Variants in RPA2 observed in about 807,000 individuals in gnomAD.
RPA2 encodes the protein replication protein A 32 kDa subunit.
Under a neutral mutation model 33.4 loss-of-function variants are expected in RPA2, and 22 were observed. That is an observed-to-expected ratio of 0.66 (90% CI 0.47 to 0.94). The LOEUF (loss-of-function observed/expected upper bound fraction) is 0.94, where lower values mean the gene tolerates loss of function less well. RPA2 is among the 40% of genes least tolerant of loss of function. RPA2 has a pLI of 0.00. For synonymous variants in RPA2, 109 were observed against 114.9 expected, an observed-to-expected ratio of 0.95 and a Z score of 0.33; for missense variants, 279 against 329.9, an observed-to-expected ratio of 0.85 and a Z score of 1.19.
intron 4 of RPA2, among the ~76,000 whole-genome samples, chr1:27,898,614 C>G (rs1436317724): frequency 6.7e-6 from 1 of 149,914 alleles, no homozygotes; most frequent in Admixed American, 6.7e-5. Context: ...GGCATGATCT[C>G]GGCTCATTGC....
Position 27,914,565 on chromosome 1 carries a change from T to C in RPA2, c.-122A>G. The C allele has an allele frequency of 6.2e-7, 1 of 1,612,180 alleles. No individual in the cohort carries two copies. The highest frequency in any genetic ancestry group is 8.5e-7 in the Non-Finnish European group (1 of 1,179,392). Reference sequence around the variant, plus strand: ...ACTTTTCTCTGGCACCACAAACGCCTTCCCGCGAATGGCGGAGCCAGTCAG... The same window carrying C: ...ACTTTTCTCTGGCACCACAAACGCCCTCCCGCGAATGGCGGAGCCAGTCAG... On this transcript the variant is annotated 5_prime_UTR_variant, in exon 1 of 9. Transcript: ENST00000373912.
intron 4 of RPA2, among the ~76,000 whole-genome samples, chr1:27,899,332 C>T (rs2089934364): frequency 1.3e-5 from 2 of 151,950 alleles, no homozygotes; most frequent in African/African-American, 4.8e-5. Flanking sequence ...CAGGGAAACC[C>T]TGTCTCTACT....
chr1:27,910,912 A>C (rs2090088320), intron 2 of RPA2, among the ~76,000 whole-genome samples: 1 of 152,130 alleles, frequency 6.6e-6, no homozygotes, highest in Non-Finnish European at 1.5e-5. Flanking sequence ...TGTGGAAAAT[A>C]CTAGATTTAA....
At chr1:27,897,806 T>C in intron 4 of RPA2, 99 bp from the exon 5 acceptor site, 1 of 757,390 alleles carries the variant, frequency 1.3e-6, no homozygotes, top group Non-Finnish European at 2.0e-6. Flanking sequence ...AGTTACGAAG[T>C]AGAAGAGTTA....
chr1:27,914,526 G>C lies in RPA2; in HGVS notation c.-83C>G. On this transcript the variant is annotated 5_prime_UTR_variant, in exon 1 of 9. Coordinates refer to ENST00000373912, the MANE Select transcript of RPA2 (RefSeq NM_002946.5). ...AAAACCACAGAACGCGGCCGCCACT[G>C]CGCCGCTCTGGCTACTTTTCTCTGG... 1 of 1,605,562 alleles carries C rather than the reference G, an allele frequency of 6.2e-7. No homozygotes were observed. The highest frequency in any genetic ancestry group is 1.1e-5 in the South Asian group (1 of 90,106).
chr1:27,898,991 C>T (rs562487949), intron 4 of RPA2, among the ~76,000 whole-genome samples: 4 of 152,104 alleles, frequency 2.6e-5, no homozygotes, highest in African/African-American at 7.2e-5. Flanking sequence ...GAGGATCCTT[C>T]GAGCTCAGGA....
chr1:27,901,807 C>A (rs1046345819), intron 4 of RPA2, among the ~76,000 whole-genome samples: 2 of 152,000 alleles, frequency 1.3e-5, no homozygotes, highest in Non-Finnish European at 2.9e-5. Context: ...CCCATGCTGC[C>A]CAGGCTGGTC....
chr1:27,899,959 C>T (rs1290676999), intron 4 of RPA2, among the ~76,000 whole-genome samples: 1 of 152,140 alleles, frequency 6.6e-6, no homozygotes, highest in African/African-American at 2.4e-5. Context: ...GGATTACAGG[C>T]GTGAGCCACG....
intron 2 of RPA2, among the ~76,000 whole-genome samples, chr1:27,910,996 G>A (rs761755746): frequency 1.3e-5 from 2 of 151,988 alleles, no homozygotes; most frequent in African/African-American, 2.4e-5. Flanking sequence ...AGAGCAGATC[G>A]CCTGACGTCA....
intron 4 of RPA2, among the ~76,000 whole-genome samples, chr1:27,900,619 A>G (rs1256901248): frequency 1.3e-5 from 2 of 152,086 alleles, no homozygotes; most frequent in Non-Finnish European, 2.9e-5. Flanking sequence ...GCTTAAAGAT[A>G]TAACTGAATT....
At chr1:27,900,239 G>A (rs2089951610) in intron 4 of RPA2, among the ~76,000 whole-genome samples, 1 of 151,952 alleles carries the variant, frequency 6.6e-6, no homozygotes, top group East Asian at 1.9e-4. Context: ...AGCCTCCTGA[G>A]TAGCTGGGAT....
chr1:27,897,514 G>A, intron 5 of RPA2, 119 bp downstream of exon 5: 1 of 598,192 alleles, frequency 1.7e-6, no homozygotes, highest in Non-Finnish European at 2.8e-6. Flanking sequence ...AAGAGAGTAA[G>A]AAATAACTTC....
chr1:27,911,368 GA>G (rs952773941), intron 2 of RPA2, among the ~76,000 whole-genome samples: 3 of 150,970 alleles, frequency 2.0e-5, no homozygotes, highest in East Asian at 1.9e-4. Context: ...TCCACAAAAA[GA>G]AAAAAAAATT....
intron 2 of RPA2, among the ~76,000 whole-genome samples, chr1:27,908,322 G>A (rs2090056409): frequency 6.6e-6 from 1 of 151,778 alleles, no homozygotes; most frequent in African/African-American, 2.4e-5. Context: ...TAGAGATGGG[G>A]TTTTGCTATG....
Position 27,913,986 on chromosome 1 carries a change from G to A in RPA2, c.117+77C>T, listed in dbSNP as rs2090134651. 3.0e-6 allele frequency: 4 copies of A among 1,325,862 alleles called. No individual in the cohort carries two copies. The South Asian group carries it at 4.7e-5, about 16-fold the overall frequency. 82.1% of individuals were successfully genotyped at this position (1,325,862 alleles called of 1,614,324 possible). ...GTTCACGTTGAAATCTTCCTTCAAA[G>A]CATAAAGTTTCTGTCATAGATGACT... On this transcript the variant is annotated intron_variant, in intron 2 of 8. Transcript: ENST00000373912.
chr1:27,914,001 C>G (rs926184168), intron 2 of RPA2, 62 bp downstream of exon 2: 4 of 1,448,408 alleles, frequency 2.8e-6, no homozygotes, highest in Non-Finnish European at 3.7e-6. Context: ...AAGTTTCTGT[C>G]ATAGATGACT....
intron 6 of RPA2, 146 bp from the exon 7 acceptor site, chr1:27,894,543 G>C: frequency 1.6e-6 from 1 of 606,502 alleles, no homozygotes; most frequent in Non-Finnish European, 2.9e-6. Context: ...GGAGTGGACA[G>C]CTATTATCTA....
chr1:27,893,914 G>C, intron 8 of RPA2, 98 bp downstream of exon 8: 1 of 1,053,628 alleles, frequency 9.5e-7, no homozygotes, highest in Non-Finnish European at 1.4e-6. Flanking sequence ...CGGCTGCCAA[G>C]TTTTACTTTT....
In RPA2 at chr1:27,894,379, G is replaced by C. The variant is rs773145803; in HGVS notation, c.544C>G (p.Pro182Ala). 1 of 1,613,518 alleles carries C rather than the reference G, an allele frequency of 6.2e-7. No homozygotes were observed. Among genetic ancestry groups the C allele is most frequent in the Non-Finnish European group, 8.5e-7 (1 of 1,179,902 alleles). Residue 182 changes from proline to alanine, a missense_variant, in exon 7 of 9, where the codon CCT becomes GCT. By Grantham distance (27) the Pro-to-Ala change is conservative. Around this residue, in one of 2 missense-constraint regions of RPA2, gnomAD observed 274 missense variants for 310.3 expected, o/e 0.88. Coordinates refer to ENST00000373912, the MANE Select transcript of RPA2 (RefSeq NM_002946.5). ...TCACTCATTCCTGGATTGCTGATAG[G>C]TGCTCTCCCTGCTGAGGGCTGAATT... is the stretch of plus-strand genomic sequence containing the variant. ...ANSQPSAGRA[P>A]ISNPGMSEAG...
Sources: gnomAD v4.1 joint callset for allele counts (sites outside exome capture counted in the v4.1 genomes callset) on GRCh38, gnomAD v4.1.1 for gene constraint, gnomAD v4.1.1 regional missense constraint, MANE v1.5 for transcripts, NCBI Gene and HGNC (gene_info 2026-07-23, HGNC 2026-07-21) for gene names.